Variants in DGKZ observed in about 807,000 individuals in gnomAD.
DGKZ encodes the protein DAG kinase zeta.
A neutral mutation model predicts 142.5 loss-of-function variants in DGKZ; 45 were observed. The ratio of observed to expected loss-of-function variants is 0.32; its 90% confidence interval spans 0.25 to 0.40. The LOEUF (loss-of-function observed/expected upper bound fraction) is 0.40. Among genes scored for constraint, DGKZ ranks in the 10% least tolerant of loss-of-function variants. The pLI is 1.00. For synonymous variants in DGKZ, 442 were observed against 527.0 expected (o/e 0.84, Z 2.21); for missense variants, 755 against 1,306.5 (o/e 0.58, Z 6.51).
In DGKZ at chr11:46,367,757, C is replaced by T. The variant is rs202206488; in HGVS notation, c.366+10C>T. The T allele has an allele frequency of 3.1e-6, 5 of 1,612,926 alleles. No individual in the cohort carries two copies. The African/African-American group carries it at 6.7e-5, about 22-fold the overall frequency. On this transcript the variant is annotated intron_variant, in intron 3 of 30. Coordinates refer to ENST00000527911, the Ensembl canonical transcript of DGKZ. This position sits in a 1 kb window ranked among gnomAD's most constrained non-coding sequence, Gnocchi z 4.1. Reference sequence around the variant, plus strand: ...TGTAGCCAGGATGCTGGTGAGTGCTCGTAGGGGCACGCCGCCCCCTGCTGG... The same window carrying T: ...TGTAGCCAGGATGCTGGTGAGTGCTTGTAGGGGCACGCCGCCCCCTGCTGG...
chr11:46,375,039 G>A lies in DGKZ; in HGVS notation c.1704G>A (p.Thr568=), dbSNP rs375351262. 78 of 1,597,596 alleles carry A rather than the reference G, an allele frequency of 4.9e-5. No homozygotes were observed. Among genetic ancestry groups the A allele is most frequent in the Middle Eastern group, 3.3e-4 (2 of 6,046 alleles). ...TCGAGGTCATTGGCTTCACCATGAC[G>A]TCGTTGGTGAGTGGGCCCTGGGCCC... is the stretch of plus-strand genomic sequence containing the variant. Residue 568 remains threonine, a synonymous_variant, in exon 19 of 31, where the codon ACG becomes ACA. Transcript: ENST00000527911.
rs1308741637 is a variant in DGKZ, at chr11:46,372,187, C to T, written c.927+17C>T. On this transcript the variant is annotated intron_variant, in intron 10 of 30. Coordinates refer to ENST00000527911, the Ensembl canonical transcript of DGKZ. The surrounding 1 kb of genome is among the most constrained non-coding windows in gnomAD (Gnocchi z 5.9). ...GGCAACCAGGTGAACGCGGCCTTGCCTCTCAGCTAAGGGCTCGGGCGGGGG... is the reference window on the plus strand; with the variant it reads ...GGCAACCAGGTGAACGCGGCCTTGCTTCTCAGCTAAGGGCTCGGGCGGGGG... The T allele has an allele frequency of 6.3e-7, 1 of 1,592,062 alleles. No homozygotes were observed. Among genetic ancestry groups the T allele is most frequent in the East Asian group, 2.3e-5 (1 of 44,158 alleles).
intron 1 of DGKZ, among the ~76,000 whole-genome samples, chr11:46,362,874 A>G (rs961006695): frequency 6.6e-6 from 1 of 152,298 alleles, no homozygotes; most frequent in Non-Finnish European, 1.5e-5. Context: ...CCAGACACCA[A>G]TGGTCTTGTC....
rs1944664267 is a variant in DGKZ, at chr11:46,377,334, G to A, written c.2342+122G>A. 6 of 1,431,576 alleles carry A rather than the reference G, an allele frequency of 4.2e-6. No homozygotes were observed. The South Asian group carries it at 9.1e-5, about 22-fold the overall frequency. The allele number at this position is 1,431,576 out of a possible 1,614,324, so 88.7% of individuals were successfully genotyped here. On this transcript the variant is annotated intron_variant, in intron 25 of 30. Transcript: ENST00000527911. Reference sequence around the variant, plus strand: ...AACTAAATGGTGTCAACCTGAACCTGGCCAAAGCCCACCTGACGGCCTTCA... The same window carrying A: ...AACTAAATGGTGTCAACCTGAACCTAGCCAAAGCCCACCTGACGGCCTTCA...
At chr11:46,356,370 G>A (rs753151145) in intron 1 of DGKZ, among the ~76,000 whole-genome samples, 14 of 152,132 alleles carry the variant, frequency 9.2e-5, no homozygotes, top group South Asian at 2.1e-4. Context: ...TGCTGTCAGC[G>A]GGATCCATGA....
chr11:46,333,307 G>A (rs1939859266), exon 1 of DGKZ: 1 of 1,294,498 alleles, frequency 7.7e-7, no homozygotes, highest in South Asian at 2.5e-5. Context: ...GGAGGGCAGC[G>A]CTGGGACTGG....
At chr11:46,336,856 A>G (rs1427948878) in intron 1 of DGKZ, among the ~76,000 whole-genome samples, 4 of 152,112 alleles carry the variant, frequency 2.6e-5, no homozygotes, top group Non-Finnish European at 1.5e-5. Context: ...CCTGGCCTCT[A>G]CAGATTTTGT....
At chr11:46,333,208 A>T (rs1939855808) in exon 1 of DGKZ, 1 of 1,211,390 alleles carries the variant, frequency 8.3e-7, no homozygotes, top group Non-Finnish European at 1.0e-6. Flanking sequence ...GCCCGGGCGG[A>T]CTGGAGACTC....
chr11:46,367,854 GC>G lies in DGKZ; in HGVS notation c.366+111del. ...CTCCCTGGCACCCCTGCTGTGGGCCGCCCCAGGATGGTGAGGGGTGCAGGGG... is the reference window on the plus strand; with the variant it reads ...CTCCCTGGCACCCCTGCTGTGGGCCGCCCAGGATGGTGAGGGGTGCAGGGG... On this transcript the variant is annotated intron_variant, in intron 3 of 30. Transcript: ENST00000527911. This position sits in a 1 kb window ranked among gnomAD's most constrained non-coding sequence, Gnocchi z 4.1. 6.5e-7 allele frequency: 1 copy of G among 1,527,916 alleles called. No homozygotes were observed. The highest frequency in any genetic ancestry group is 1.1e-5 in the South Asian group (1 of 88,720). The allele number at this position is 1,527,916 out of a possible 1,614,324, so 94.6% of individuals were successfully genotyped here.
intron 1 of DGKZ, among the ~76,000 whole-genome samples, chr11:46,337,646 A>G (rs1231405602): frequency 6.6e-6 from 1 of 152,110 alleles, no homozygotes; most frequent in African/African-American, 2.4e-5. Context: ...ACAGGTGTAT[A>G]GGGTTGGGCC....
At chr11:46,339,974 C>T (rs911935336) in intron 1 of DGKZ, among the ~76,000 whole-genome samples, 1 of 152,186 alleles carries the variant, frequency 6.6e-6, no homozygotes, top group Non-Finnish European at 1.5e-5. Context: ...CAAGGGCTCT[C>T]GGCCTATAGA....
At chr11:46,377,206 C>G in exon 25 of DGKZ, 1 of 1,594,138 alleles carries the variant, frequency 6.3e-7, no homozygotes, top group Non-Finnish European at 8.6e-7. Context: ...TGCTCACCCA[C>G]GCCCCGGTGA....
intron 6 of DGKZ, among the ~76,000 whole-genome samples, chr11:46,370,379 G>A (rs1022817081): frequency 1.3e-5 from 2 of 152,208 alleles, no homozygotes; most frequent in Admixed American, 6.5e-5. Context: ...TTGAAGCCAG[G>A]CTTTCCAGGC....
chr11:46,379,194 C>T lies in DGKZ; in HGVS notation c.2540-9C>T, dbSNP rs1218003253. ...CAGGCCTCTCTGACCACCACCTCCCCTTCTCCAGCCCCCCCAGAGATCCTT... is the reference window on the plus strand; with the variant it reads ...CAGGCCTCTCTGACCACCACCTCCCTTTCTCCAGCCCCCCCAGAGATCCTT... On this transcript the variant is annotated splice_polypyrimidine_tract_variant and intron_variant, in intron 28 of 30. Coordinates refer to ENST00000527911, the Ensembl canonical transcript of DGKZ. 7.4e-6 allele frequency: 12 copies of T among 1,612,910 alleles called. No homozygotes were observed. In the East Asian group the frequency reaches 2.5e-4, roughly 33 times the overall value.
chr11:46,366,271 T>C (rs1943237394), intron 1 of DGKZ: 2 of 1,581,140 alleles, frequency 1.3e-6, no homozygotes, highest in East Asian at 2.2e-5. Context: ...AGACTTTCTT[T>C]AGGAGACATT....
intron 20 of DGKZ, 77 bp from the exon 21 acceptor site, chr11:46,375,774 G>A (rs1944457661): frequency 6.6e-7 from 1 of 1,525,912 alleles, no homozygotes; most frequent in Non-Finnish European, 8.8e-7. Flanking sequence ...CTCTCGGCAA[G>A]TGGTTTGGTG....
intron 1 of DGKZ, among the ~76,000 whole-genome samples, chr11:46,360,935 C>T (rs1412599795): frequency 4.6e-5 from 7 of 152,156 alleles, no homozygotes; most frequent in African/African-American, 1.2e-4. Flanking sequence ...GTCTTCTGGG[C>T]GTTCCTTAGC....
At position 46,377,053 on chromosome 11, in the gene DGKZ, G is replaced by T. The variant is rs769805146; in HGVS notation, c.2203-20G>T. ...CCACCGTCAGGTGCCCTGACCTCCC[G>T]CCCTGACCTCCCCCCACAGGAGCAC... On this transcript the variant is annotated intron_variant, in intron 24 of 30. Transcript: ENST00000527911. 4.1e-5 allele frequency: 65 copies of T among 1,604,270 alleles called. No individual in the cohort carries two copies. The highest frequency in any genetic ancestry group is 7.7e-5 in the South Asian group (7 of 90,880).
At chr11:46,375,184 G>A (rs940955487) in intron 19 of DGKZ, 139 bp downstream of exon 19, 28 of 897,748 alleles carry the variant, frequency 3.1e-5, no homozygotes, top group Non-Finnish European at 3.8e-5. Context: ...GCTTGAGAGC[G>A]GCACCTACCC....
Sources: allele counts gnomAD v4.1 joint callset (sites outside exome capture counted in the v4.1 genomes callset), GRCh38; gene constraint gnomAD v4.1.1; non-coding constraint Gnocchi (gnomAD v3.1); transcripts MANE v1.5; gene names NCBI Gene and HGNC (gene_info 2026-07-23, HGNC 2026-07-21).